ACTL8: variants seen among roughly 807,000 people sequenced by gnomAD.
The protein encoded by ACTL8 is actin like 8.
ACTL8 carries 3 observed loss-of-function variants against 9.3 expected under a neutral mutation model. The ratio of observed to expected loss-of-function variants is 0.32; its 90% CI spans 0.15 to 0.83. The LOEUF (loss-of-function observed/expected upper bound fraction) is 0.83, where lower values mean the gene tolerates loss of function less well. Ranked by LOEUF, ACTL8 falls within the 40% of genes least tolerant of loss-of-function variation. ACTL8 has a pLI of 0.57. For synonymous variants in ACTL8, 224 were observed against 205.9 expected (o/e 1.09, Z -0.75); for missense variants, 381 against 492.2 (o/e 0.77, Z 2.14).
intron 1 of ACTL8, among the ~76,000 whole-genome samples, chr1:17,793,302 T>C (rs1053476042): frequency 6.6e-6 from 1 of 152,194 alleles, no homozygotes; most frequent in African/African-American, 2.4e-5. Flanking sequence ...CCTCTTACTC[T>C]TGCATATGTG....
At chr1:17,793,280 GCCATCTGGAGCCCTCTTAC>G (rs1210656119) in intron 1 of ACTL8, among the ~76,000 whole-genome samples, 1 of 152,182 alleles carries the variant, frequency 6.6e-6, no homozygotes, top group Non-Finnish European at 1.5e-5. Context: ...GTCTGGAGTG[GCCATCTGGAGCCCTCTTAC>G]TCTTGCATAT....
intron 1 of ACTL8, among the ~76,000 whole-genome samples, chr1:17,772,636 TGG>T (rs2066090954): frequency 6.6e-6 from 1 of 152,122 alleles, no homozygotes. Context: ...CCAATAGTGG[TGG>T]GAAGAGGTTG....
intron 1 of ACTL8, among the ~76,000 whole-genome samples, chr1:17,791,698 C>G (rs183393877): frequency 6.6e-6 from 1 of 152,184 alleles, no homozygotes; most frequent in African/African-American, 2.4e-5. Context: ...CACCAGGCCC[C>G]GAAGCCAGCC....
At position 17,767,257 on chromosome 1, in the gene ACTL8, G is replaced by A. The variant is rs2102676350; in HGVS notation, c.-25+11753G>A. On this transcript the variant is annotated intron_variant, in intron 1 of 2. Transcript: ENST00000375406. The surrounding 1 kb of genome is among the most constrained non-coding windows in gnomAD (Gnocchi z 4.7). ...GGCATCAGGAGGTGAGGTCAGAACG[G>A]TAAGAGTGAGGAGATGCTGGGGTTG... is the stretch of plus-strand genomic sequence containing the variant. 6.6e-6 allele frequency among the ~76,000 whole-genome samples: 1 copy of A among 152,266 alleles called. No individual in the cohort carries two copies. The highest frequency in any genetic ancestry group is 6.5e-5 in the Admixed American group (1 of 15,300).
intron 1 of ACTL8, among the ~76,000 whole-genome samples, chr1:17,816,363 G>A (rs1199616734): frequency 6.6e-6 from 1 of 151,920 alleles, no homozygotes; most frequent in African/African-American, 2.4e-5. Context: ...CACCACATCT[G>A]GCTAATTTTT....
At chr1:17,786,342 C>T (rs557092121) in intron 1 of ACTL8, among the ~76,000 whole-genome samples, 49 of 152,350 alleles carry the variant, frequency 3.2e-4, no homozygotes, top group African/African-American at 1.1e-3. Context: ...TCACTGGGTT[C>T]GCCTTCAGGC....
At chr1:17,792,934 T>C (rs2066250653) in intron 1 of ACTL8, among the ~76,000 whole-genome samples, 1 of 151,922 alleles carries the variant, frequency 6.6e-6, no homozygotes, top group Non-Finnish European at 1.5e-5. Flanking sequence ...CTCTCTGGGG[T>C]GTGGGAAGGG....
chr1:17,819,481 C>T (rs980217383), intron 1 of ACTL8, among the ~76,000 whole-genome samples: 2 of 152,224 alleles, frequency 1.3e-5, no homozygotes, highest in African/African-American at 2.4e-5. Context: ...CAGGCCATGG[C>T]TCTCATGCTC....
intron 1 of ACTL8, among the ~76,000 whole-genome samples, chr1:17,782,975 C>G (rs533415192): frequency 6.6e-6 from 1 of 152,328 alleles, no homozygotes; most frequent in African/African-American, 2.4e-5. Flanking sequence ...ACATGGCTCA[C>G]CATGTGTTTG....
intron 1 of ACTL8, among the ~76,000 whole-genome samples, chr1:17,761,949 C>T (rs919579040): frequency 1.3e-5 from 2 of 151,970 alleles, no homozygotes; most frequent in Non-Finnish European, 2.9e-5. Context: ...CTCCTCATCT[C>T]AGGTGGGAAG....
intron 1 of ACTL8, among the ~76,000 whole-genome samples, chr1:17,822,124 C>T (rs1478759456): frequency 1.3e-5 from 2 of 152,158 alleles, no homozygotes; most frequent in East Asian, 3.8e-4. Flanking sequence ...AGATGCTTAG[C>T]TCATGTTTAA....
At chr1:17,763,350 C>T (rs1211776784) in intron 1 of ACTL8, among the ~76,000 whole-genome samples, 9 of 139,620 alleles carry the variant, frequency 6.4e-5, no homozygotes, top group Middle Eastern at 3.5e-3. Context: ...AGTCAAGTGA[C>T]GGGGTAGCGT....
intron 1 of ACTL8, among the ~76,000 whole-genome samples, chr1:17,779,311 C>A (rs558770076): frequency 6.6e-6 from 1 of 152,304 alleles, no homozygotes; most frequent in South Asian, 2.1e-4. Context: ...TCGCCTTGTA[C>A]CTTGCATCTG....
intron 1 of ACTL8, among the ~76,000 whole-genome samples, chr1:17,795,697 G>A (rs1020998416): frequency 9.2e-5 from 14 of 152,150 alleles, no homozygotes; most frequent in Admixed American, 2.0e-4. Context: ...GGGGTCCCGC[G>A]TCAATCACTA....
chr1:17,785,280 G>C (rs2102685281), intron 1 of ACTL8, among the ~76,000 whole-genome samples: 1 of 152,250 alleles, frequency 6.6e-6, no homozygotes, highest in African/African-American at 2.4e-5. Flanking sequence ...CCTGTTCTTG[G>C]TGGGCCTATG....
intron 1 of ACTL8, among the ~76,000 whole-genome samples, chr1:17,768,759 C>T (rs1428101640): frequency 6.6e-6 from 1 of 152,174 alleles, no homozygotes; most frequent in East Asian, 1.9e-4. Flanking sequence ...GGCCTGGAGG[C>T]TGGGTTTGGT....
At chr1:17,813,230 G>A (rs138669834) in intron 1 of ACTL8, among the ~76,000 whole-genome samples, 106 of 152,330 alleles carry the variant, frequency 7.0e-4, no homozygotes, top group African/African-American at 2.5e-3. Flanking sequence ...CAGTCTTAGG[G>A]AGAAAGCATC....
At chr1:17,787,951 AT>A (rs2066210768) in intron 1 of ACTL8, among the ~76,000 whole-genome samples, 3 of 152,212 alleles carry the variant, frequency 2.0e-5, no homozygotes, top group Admixed American at 1.3e-4. Flanking sequence ...GCTGAGAGGT[AT>A]AAAGTGATCT....
In ACTL8 at chr1:17,767,978, G is replaced by T. The variant is rs893551166; in HGVS notation, c.-25+12474G>T. 1.3e-5 allele frequency among the ~76,000 whole-genome samples: 2 copies of T among 152,124 alleles called. No individual in the cohort carries two copies. Among genetic ancestry groups the T allele is most frequent in the African/African-American group, 4.8e-5 (2 of 41,404 alleles). On this transcript the variant is annotated intron_variant, in intron 1 of 2. Transcript: ENST00000375406. This position sits in a 1 kb window ranked among gnomAD's most constrained non-coding sequence, Gnocchi z 4.7. ...CTGTGGGTTCAGTCCTGGGGGGCAG[G>T]GGTGAGCATATATGTGATGTGGGGT...
Sources: gnomAD v4.1 joint callset for allele counts (sites outside exome capture counted in the v4.1 genomes callset) on GRCh38, gnomAD v4.1.1 for gene constraint, Gnocchi (gnomAD v3.1) non-coding constraint, MANE v1.5 for transcripts, NCBI Gene and HGNC (gene_info 2026-07-23, HGNC 2026-07-21) for gene names.